Variants in DDX60L observed in about 807,000 individuals in gnomAD.
DDX60L encodes DExD/H-box 60 like.
In DDX60L, 191 loss-of-function variants were observed where a neutral mutation model predicts 211.6. That is an observed-to-expected ratio of 0.90 (90% CI 0.80 to 1.02). DDX60L has a LOEUF of 1.02. Ranked by LOEUF, DDX60L falls within the 50% of genes least tolerant of loss-of-function variation. The pLI is 0.00. For synonymous variants in DDX60L, 706 were observed against 694.1 expected, an observed-to-expected ratio of 1.02 and a Z score of -0.27; for missense variants, 2,007 against 1,984.1, an observed-to-expected ratio of 1.01 and a Z score of -0.22.
Position 168,419,402 on chromosome 4 carries a change from A to G in DDX60L, c.2515-5T>C. 6.4e-7 allele frequency: 1 copy of G among 1,567,054 alleles called. No homozygotes were observed. The highest frequency in any genetic ancestry group is 1.2e-5 in the South Asian group (1 of 85,160). On this transcript the variant is annotated splice_polypyrimidine_tract_variant and splice_region_variant and intron_variant, in intron 18 of 37. Transcript: ENST00000682922. ...TTCCGGCACTGTAATAAGTACCTAC[A>G]AATATGAATGATTAGTGTAGCTAAC...
intron 36 of DDX60L, among the ~76,000 whole-genome samples, chr4:168,362,965 G>A (rs1391113943): frequency 2.0e-5 from 3 of 152,078 alleles, no homozygotes; most frequent in African/African-American, 7.2e-5. Flanking sequence ...AAGCTCAAAA[G>A]TCCCCAATTA....
chr4:168,440,009 A>G (rs1054603120), intron 10 of DDX60L, among the ~76,000 whole-genome samples: 3 of 152,238 alleles, frequency 2.0e-5, no homozygotes, highest in Non-Finnish European at 2.9e-5. Flanking sequence ...AAGAAAATGC[A>G]AATTCAAACC....
chr4:168,445,056 C>CAA (rs1383496157), intron 9 of DDX60L, among the ~76,000 whole-genome samples: 1 of 98,070 alleles, frequency 1.0e-5, no homozygotes, highest in Non-Finnish European at 2.1e-5. Flanking sequence ...AATAGAGACA[C>CAA]AAAAAACCCT....
At chr4:168,409,313 C>T (rs559322537) in intron 22 of DDX60L, among the ~76,000 whole-genome samples, 20 of 152,228 alleles carry the variant, frequency 1.3e-4, no homozygotes, top group African/African-American at 2.4e-4. Context: ...TGAGAATAGA[C>T]GAAGGCACAT....
intron 1 of DDX60L, among the ~76,000 whole-genome samples, chr4:168,474,337 A>T (rs1400819907): frequency 6.6e-6 from 1 of 152,152 alleles, no homozygotes; most frequent in Non-Finnish European, 1.5e-5. Flanking sequence ...AGTTTTTAAA[A>T]TTTATAGTAT....
intron 4 of DDX60L, among the ~76,000 whole-genome samples, chr4:168,463,400 CA>C: frequency 6.6e-6 from 1 of 152,238 alleles, no homozygotes; most frequent in South Asian, 2.1e-4. Flanking sequence ...CACATGGACA[CA>C]TACAGGAAAA....
At chr4:168,389,074 C>T (rs763371050) in intron 29 of DDX60L, among the ~76,000 whole-genome samples, 7 of 152,164 alleles carry the variant, frequency 4.6e-5, no homozygotes, top group Non-Finnish European at 8.8e-5. Flanking sequence ...TGGCTGCTCC[C>T]AATGATTCTA....
At chr4:168,457,839 T>C (rs1239762082) in intron 6 of DDX60L, 53 bp downstream of exon 6, 2 of 1,177,314 alleles carry the variant, frequency 1.7e-6, no homozygotes, top group African/African-American at 3.1e-5. Flanking sequence ...AAGTTCATTC[T>C]CATTTACCAA....
At chr4:168,378,598 C>T in intron 32 of DDX60L, 123 bp from the exon 33 acceptor site, 3 of 649,250 alleles carry the variant, frequency 4.6e-6, no homozygotes, top group Non-Finnish European at 7.6e-6. Flanking sequence ...CAAATATATA[C>T]CTCAGAAATT....
chr4:168,368,224 C>T (rs1740328266), intron 36 of DDX60L, among the ~76,000 whole-genome samples: 1 of 152,222 alleles, frequency 6.6e-6, no homozygotes, highest in Non-Finnish European at 1.5e-5. Flanking sequence ...GGCCCAGGGT[C>T]CCTGTGCTGT....
intron 5 of DDX60L, among the ~76,000 whole-genome samples, chr4:168,459,818 G>GGAAGGAAGGAAGGAAGGAA (rs1561120032): frequency 2.1e-3 from 27 of 12,688 alleles, no homozygotes; most frequent in African/African-American, 3.1e-3. Context: ...GAAGGAAGGA[G>GGAAGGAAGGAAGGAAGGAA]GGAAGGGAGG....
rs1352059809 is a variant in DDX60L, at chr4:168,448,734, C to CA, written c.1041dup (p.Gly348TrpfsTer12). On this transcript the variant is annotated frameshift_variant, in exon 9 of 38. Coordinates refer to ENST00000682922, the MANE Select transcript of DDX60L (RefSeq NM_001012967.3). LOFTEE classifies it high-confidence loss of function. Reference sequence around the variant, plus strand: ...TGATTTAAATTCAGATTCCAGCATCCAAAAACGTTTAAGTTGCTTAAAATG... The same window carrying CA: ...TGATTTAAATTCAGATTCCAGCATCCAAAAAACGTTTAAGTTGCTTAAAATG... 6 of 1,606,324 alleles carry CA rather than the reference C, an allele frequency of 3.7e-6. No individual in the cohort carries two copies. Among genetic ancestry groups the CA allele is most frequent in the Non-Finnish European group, 5.1e-6 (6 of 1,174,486 alleles).
intron 36 of DDX60L, among the ~76,000 whole-genome samples, chr4:168,363,545 A>G (rs1228467692): frequency 6.6e-6 from 1 of 152,244 alleles, no homozygotes; most frequent in Non-Finnish European, 1.5e-5. Flanking sequence ...ATGTAAATTA[A>G]GTCAACAAAA....
At chr4:168,431,523 AG>A (rs935338623) in intron 12 of DDX60L, among the ~76,000 whole-genome samples, 5 of 133,556 alleles carry the variant, frequency 3.7e-5, no homozygotes, top group African/African-American at 1.4e-4. Flanking sequence ...GGACACAGGA[AG>A]GGGAACATCA....
At chr4:168,443,279 A>G (rs371317758) in intron 9 of DDX60L, among the ~76,000 whole-genome samples, 12 of 152,154 alleles carry the variant, frequency 7.9e-5, no homozygotes, top group African/African-American at 1.9e-4. Flanking sequence ...GGGTATCAGC[A>G]ATGGAAGATG....
intron 4 of DDX60L, among the ~76,000 whole-genome samples, chr4:168,462,462 A>G (rs1757436968): frequency 6.6e-6 from 1 of 151,904 alleles, no homozygotes; most frequent in Admixed American, 6.6e-5. Flanking sequence ...CAAATTTACA[A>G]GAGAAAAAAA....
rs148812391 is a variant in DDX60L at position 168,407,558 on chromosome 4, A to G, written c.2980-852T>C. 4.2e-3 allele frequency among the ~76,000 whole-genome samples: 641 copies of G among 152,352 alleles called. 4 individuals carry two copies. Among genetic ancestry groups the G allele is most frequent in the African/African-American group, 0.012 (486 of 41,582 alleles). ...AAAGGCCCTATTAAGCAAGTTAACCAAGTATCTTTATGTCAAGGTTTCTGT... is the reference window on the plus strand; with the variant it reads ...AAAGGCCCTATTAAGCAAGTTAACCGAGTATCTTTATGTCAAGGTTTCTGT... On this transcript the variant is annotated intron_variant, in intron 22 of 37. Transcript: ENST00000682922.
At chr4:168,455,659 A>G (rs1279583021) in intron 7 of DDX60L, among the ~76,000 whole-genome samples, 1 of 152,174 alleles carries the variant, frequency 6.6e-6, no homozygotes, top group African/African-American at 2.4e-5. Flanking sequence ...ACCCTGAAAC[A>G]CAGCGTATAG....
At chr4:168,384,899 C>A in intron 29 of DDX60L, 87 bp from the exon 30 acceptor site, 2 of 1,312,844 alleles carry the variant, frequency 1.5e-6, no homozygotes, top group East Asian at 2.5e-5. Flanking sequence ...CACTTGTTAT[C>A]CGGGATTGTG....
Sources: allele counts gnomAD v4.1 joint callset (sites outside exome capture counted in the v4.1 genomes callset), GRCh38; gene constraint gnomAD v4.1.1; transcripts MANE v1.5; gene names NCBI Gene and HGNC (gene_info 2026-07-23, HGNC 2026-07-21).